Variants in PCM1 observed in about 807,000 individuals in gnomAD.
PCM1 encodes pericentriolar material 1 protein.
A neutral mutation model predicts 241.9 loss-of-function variants in PCM1; 157 were observed. The ratio of observed to expected loss-of-function variants is 0.65; its 90% CI spans 0.57 to 0.74. PCM1 has a LOEUF of 0.74. Among genes scored for constraint, PCM1 ranks in the 30% least tolerant of loss-of-function variants. The probability of loss-of-function intolerance (pLI) is 0.00; values close to 1 mark genes in which losing one functional copy is unlikely to be tolerated. For synonymous variants in PCM1, 1,085 were observed against 784.9 expected, an observed-to-expected ratio of 1.38 and a Z score of -6.39; for missense variants, 3,478 against 2,360.1, an observed-to-expected ratio of 1.47 and a Z score of -9.81.
chr8:17,995,378 A>G (rs147600212), intron 29 of PCM1, among the ~76,000 whole-genome samples: 2,595 of 150,974 alleles, frequency 0.017, 46 homozygotes, highest in South Asian at 0.044. Context: ...GTTCTGTTCT[A>G]TCGGTCTGTG....
intron 2 of PCM1, among the ~76,000 whole-genome samples, chr8:17,931,602 GA>G (rs1369358815): frequency 6.6e-6 from 1 of 152,080 alleles, no homozygotes; most frequent in Non-Finnish European, 1.5e-5. Context: ...TCTATTAATA[GA>G]AAGTATTGCT....
intron 26 of PCM1, among the ~76,000 whole-genome samples, chr8:17,986,583 G>A (rs1012025304): frequency 7.3e-5 from 11 of 151,582 alleles, no homozygotes; most frequent in African/African-American, 2.7e-4. Flanking sequence ...AAAGGACCTG[G>A]AAATGGAGAA....
chr8:17,959,985 A>AT, intron 13 of PCM1, 29 bp from the exon 14 acceptor site: 1 of 1,604,270 alleles, frequency 6.2e-7, no homozygotes, highest in Non-Finnish European at 8.5e-7. Context: ...AGGTATCAAG[A>AT]TTGTTTTAAT....
chr8:17,926,416 A>G (rs3850743), intron 2 of PCM1: 3,092 of 152,346 alleles, frequency 0.02, 43 homozygotes, highest in Non-Finnish European at 0.032. Context: ...GCAACGTGCT[A>G]TGTAATGACT....
chr8:17,959,759 A>T (rs1394238758), intron 13 of PCM1, among the ~76,000 whole-genome samples: 2 of 152,172 alleles, frequency 1.3e-5, no homozygotes, highest in Non-Finnish European at 2.9e-5. Context: ...AGCTTGTTTA[A>T]CCATTACTGG....
intron 31 of PCM1, among the ~76,000 whole-genome samples, chr8:18,010,398 G>C (rs1053328995): frequency 1.3e-5 from 2 of 152,212 alleles, no homozygotes; most frequent in Admixed American, 1.3e-4. Context: ...CACTTTTCAT[G>C]ATATTTATTT....
Position 18,006,380 on chromosome 8 carries a change from C to T in PCM1, c.4945C>T (p.Leu1649Phe). Residue 1649 changes from leucine to phenylalanine, a missense_variant, in exon 30 of 39, where the codon CTT becomes TTT. Coordinates refer to ENST00000325083, the MANE Select transcript of PCM1 (RefSeq NM_006197.4). ...GTTTGTAAAGTTCTTTCATAAACAACTTGGAAGTATATTACAGGTAAGAGT... is the reference window on the plus strand; with the variant it reads ...GTTTGTAAAGTTCTTTCATAAACAATTTGGAAGTATATTACAGGTAAGAGT... ...KEFVKFFHKQ[L>F]GSILQDSLAK... 1 of 1,611,122 alleles carries T rather than the reference C, an allele frequency of 6.2e-7. No homozygotes were observed. The highest frequency in any genetic ancestry group is 8.5e-7 in the Non-Finnish European group (1 of 1,177,582).
intron 12 of PCM1, 59 bp downstream of exon 12, chr8:17,957,480 C>A: frequency 6.2e-7 from 1 of 1,604,366 alleles, no homozygotes; most frequent in Non-Finnish European, 8.5e-7. Context: ...AGTGGGTTTT[C>A]GTTCATGTGT....
At chr8:18,003,075 C>T (rs1401805226) in intron 29 of PCM1, among the ~76,000 whole-genome samples, 4 of 152,194 alleles carry the variant, frequency 2.6e-5, no homozygotes, top group South Asian at 2.1e-4. Flanking sequence ...TAAACCTCTG[C>T]CTTATCCTTT....
chr8:17,954,941 C>G (rs1040379844), intron 9 of PCM1, among the ~76,000 whole-genome samples: 1 of 152,016 alleles, frequency 6.6e-6, no homozygotes, highest in Non-Finnish European at 1.5e-5. Context: ...TCTCCTGGAG[C>G]AAGAAAAGTT....
intron 21 of PCM1, among the ~76,000 whole-genome samples, chr8:17,968,915 C>T (rs777406416): frequency 2.0e-5 from 3 of 151,858 alleles, no homozygotes; most frequent in Non-Finnish European, 2.9e-5. Flanking sequence ...TAAGAAATTG[C>T]AAATGCTCTT....
intron 23 of PCM1, 40 bp downstream of exon 23, chr8:17,972,727 T>G (rs547788660): frequency 7.8e-6 from 10 of 1,277,784 alleles, no homozygotes; most frequent in Middle Eastern, 1.9e-4. Flanking sequence ...CAGTGTAAAT[T>G]TTGGTAATCT....
intron 36 of PCM1, among the ~76,000 whole-genome samples, chr8:18,018,859 T>TAC (rs1236484123): frequency 2.2e-5 from 1 of 45,978 alleles, no homozygotes; most frequent in Non-Finnish European, 5.4e-5. Flanking sequence ...TGTGTATATA[T>TAC]ATATATATAT....
rs760556298 is a variant in PCM1 at position 17,937,133 on chromosome 8, G to C, written c.97-1G>C. On this transcript the variant is annotated splice_acceptor_variant, in intron 3 of 38. Transcript: ENST00000325083. LOFTEE classifies it high-confidence loss of function. ...TAATTTTTGCTTTTACTTTTTTAAA[G>C]GATTGGGGTGCCCAACAGAAGAAAG... The C allele has an allele frequency of 2.3e-5, 36 of 1,555,198 alleles. No homozygotes were observed. The highest frequency in any genetic ancestry group is 7.8e-5 in the Admixed American group (4 of 51,060).
intron 28 of PCM1, 115 bp downstream of exon 28, chr8:17,991,815 A>C: frequency 1.4e-6 from 1 of 689,870 alleles, no homozygotes; most frequent in Non-Finnish European, 2.4e-6. Flanking sequence ...TGAGCAGTAT[A>C]CACTGTACCC....
intron 29 of PCM1, 173 bp from the exon 30 acceptor site, chr8:18,006,087 GAAT>G (rs2091237770): frequency 1.8e-6 from 1 of 563,406 alleles, no homozygotes; most frequent in Non-Finnish European, 3.0e-6. Flanking sequence ...CAATACGTAT[GAAT>G]AAAGTAGGAG....
chr8:18,001,387 C>G (rs1239542354), intron 29 of PCM1, among the ~76,000 whole-genome samples: 1 of 152,116 alleles, frequency 6.6e-6, no homozygotes, highest in African/African-American at 2.4e-5. Context: ...AGGTCATAAA[C>G]ATTTTTAAAG....
intron 36 of PCM1, 47 bp from the exon 37 acceptor site, chr8:18,025,314 C>A: frequency 1.0e-6 from 1 of 978,826 alleles, no homozygotes; most frequent in Non-Finnish European, 1.6e-6. Context: ...ACATGGATGA[C>A]TGGTTTGGAT....
At position 17,947,329 on chromosome 8, in the gene PCM1, A is replaced by G. The variant is rs1027153592; in HGVS notation, c.927A>G (p.Lys309=). 3 of 1,609,784 alleles carry G rather than the reference A, an allele frequency of 1.9e-6. No homozygotes were observed. In the African/African-American group the frequency reaches 4.0e-5, roughly 22 times the overall value. Residue 309 remains lysine, a synonymous_variant, in exon 7 of 39, where the codon AAA becomes AAG. Coordinates refer to ENST00000325083, the MANE Select transcript of PCM1 (RefSeq NM_006197.4). ...RQAALLALQH[K]AEQAIAVMDD... ...CTGCACTTCTAGCTCTGCAACATAAAGCAGAGCAAGCTATTGCAGTGATGG... is the reference window on the plus strand; with the variant it reads ...CTGCACTTCTAGCTCTGCAACATAAGGCAGAGCAAGCTATTGCAGTGATGG...
Sources: gnomAD v4.1 joint callset for allele counts (sites outside exome capture counted in the v4.1 genomes callset) on GRCh38, gnomAD v4.1.1 for gene constraint, MANE v1.5 for transcripts, NCBI Gene and HGNC (gene_info 2026-07-23, HGNC 2026-07-21) for gene names.